Variants in MAP4K3 observed in about 807,000 individuals in gnomAD.
MAP4K3 encodes mitogen-activated protein kinase kinase kinase kinase 3.
MAP4K3 carries 94 observed loss-of-function variants against 143.5 expected under a neutral mutation model. That is an observed-to-expected ratio of 0.65 (90% CI 0.55 to 0.78). MAP4K3 has a LOEUF of 0.78. MAP4K3 is among the 30% of genes least tolerant of loss of function. MAP4K3 has a pLI of 0.00. For missense variants in MAP4K3, 1,077 were observed against 1,068.1 expected, an observed-to-expected ratio of 1.01 and a Z score of -0.12; for synonymous variants, 416 against 347.2, an observed-to-expected ratio of 1.20 and a Z score of -2.20.
chr2:39,317,625 T>A (rs1399353549), intron 12 of MAP4K3, among the ~76,000 whole-genome samples: 5 of 151,952 alleles, frequency 3.3e-5, no homozygotes, highest in Non-Finnish European at 4.4e-5. Context: ...AAAGAAGACA[T>A]ATACACAGCC....
chr2:39,283,424 T>C (rs1042307957), intron 21 of MAP4K3, among the ~76,000 whole-genome samples: 1 of 152,226 alleles, frequency 6.6e-6, no homozygotes, highest in Non-Finnish European at 1.5e-5. Context: ...ATTTGCTATC[T>C]GTATTTCCTC....
chr2:39,337,222 CAG>C (rs756136232), intron 5 of MAP4K3, among the ~76,000 whole-genome samples: 5 of 151,970 alleles, frequency 3.3e-5, no homozygotes, highest in Non-Finnish European at 5.9e-5. Context: ...TAATTAGTAT[CAG>C]AGTGTTTGAA....
intron 3 of MAP4K3, among the ~76,000 whole-genome samples, chr2:39,355,165 C>A (rs1391211718): frequency 6.6e-6 from 1 of 151,962 alleles, no homozygotes; most frequent in African/African-American, 2.4e-5. Flanking sequence ...GAGATCAAGA[C>A]CATCGTGGCC....
intron 1 of MAP4K3, among the ~76,000 whole-genome samples, chr2:39,401,550 A>G (rs1361527820): frequency 6.6e-6 from 1 of 152,126 alleles, no homozygotes; most frequent in Non-Finnish European, 1.5e-5. Context: ...CTGTAATCCT[A>G]GCACTTTGGG....
intron 13 of MAP4K3, among the ~76,000 whole-genome samples, chr2:39,311,852 T>C (rs1682947908): frequency 2.0e-5 from 3 of 152,222 alleles, no homozygotes; most frequent in Admixed American, 6.5e-5. Context: ...TAAATGTTTA[T>C]TGTTTAATAT....
Position 39,265,236 on chromosome 2 carries a change from C to G in MAP4K3, c.2103G>C (p.Trp701Cys), listed in dbSNP as rs1316112430. The G allele has an allele frequency of 6.2e-7, 1 of 1,612,652 alleles. No individual in the cohort carries two copies. The highest frequency in any genetic ancestry group is 2.2e-5 in the East Asian group (1 of 44,808). Residue 701 changes from tryptophan to cysteine, a missense_variant, in exon 28 of 34, where the codon TGG becomes TGC. Trp to Cys is a radical substitution (Grantham distance 215, BLOSUM62 -2). Transcript: ENST00000263881. ...ACATAAATTTCTGCATTGGTTCAAC[C>G]CATTCTAATAGAACAATGCTAGTCT... is the stretch of plus-strand genomic sequence containing the variant. ...ALQTSIVLLE[W>C]VEPMQKFMLI...
intron 24 of MAP4K3, among the ~76,000 whole-genome samples, chr2:39,277,193 T>C (rs1036395148): frequency 6.6e-6 from 1 of 152,240 alleles, no homozygotes; most frequent in Non-Finnish European, 1.5e-5. Flanking sequence ...GGTGTTTGGC[T>C]TCTGCCTGCC....
At chr2:39,397,912 G>A (rs1220596314) in intron 1 of MAP4K3, among the ~76,000 whole-genome samples, 1 of 152,096 alleles carries the variant, frequency 6.6e-6, no homozygotes, top group East Asian at 1.9e-4. Flanking sequence ...AAACAGAAAT[G>A]CAAACAAAAA....
At chr2:39,424,528 GT>G (rs1384285798) in intron 1 of MAP4K3, among the ~76,000 whole-genome samples, 2 of 151,696 alleles carry the variant, frequency 1.3e-5, no homozygotes, top group African/African-American at 2.4e-5. Context: ...AGCAAAAACA[GT>G]TTTTTTAAAA....
At chr2:39,395,108 G>C (rs1028750494) in intron 1 of MAP4K3, among the ~76,000 whole-genome samples, 5 of 151,926 alleles carry the variant, frequency 3.3e-5, no homozygotes, top group African/African-American at 1.2e-4. Flanking sequence ...CTAATATCCA[G>C]TTTAATTAAA....
chr2:39,266,024 AGAG>A (rs1489433607), intron 27 of MAP4K3, among the ~76,000 whole-genome samples: 3 of 152,234 alleles, frequency 2.0e-5, no homozygotes, highest in Non-Finnish European at 2.9e-5. Context: ...TTTAAATGGC[AGAG>A]GAGGAGAACA....
At chr2:39,319,895 A>G (rs1039200018) in intron 12 of MAP4K3, among the ~76,000 whole-genome samples, 3 of 152,230 alleles carry the variant, frequency 2.0e-5, no homozygotes, top group African/African-American at 7.2e-5. Context: ...GTATTCAAAC[A>G]TTTAGATATG....
intron 1 of MAP4K3, among the ~76,000 whole-genome samples, chr2:39,411,258 A>G (rs1437689394): frequency 2.6e-5 from 4 of 152,240 alleles, no homozygotes; most frequent in African/African-American, 9.6e-5. Context: ...AAAGCCAGTA[A>G]GTTTGACTCC....
intron 24 of MAP4K3, among the ~76,000 whole-genome samples, chr2:39,277,293 T>C (rs1681303127): frequency 6.6e-6 from 1 of 152,236 alleles, no homozygotes; most frequent in Non-Finnish European, 1.5e-5. Context: ...CACATCTCTA[T>C]GCCATCATGC....
chr2:39,278,294 CAAAA>C, intron 24 of MAP4K3, 109 bp downstream of exon 24: 1 of 605,734 alleles, frequency 1.7e-6, no homozygotes, highest in Non-Finnish European at 2.8e-6. Flanking sequence ...CAAAACAAAA[CAAAA>C]AAGAATAAAA....
At chr2:39,333,697 T>C in intron 6 of MAP4K3, 123 bp from the exon 7 acceptor site, 1 of 514,214 alleles carries the variant, frequency 1.9e-6, no homozygotes, top group South Asian at 4.4e-5. Flanking sequence ...TAAAGTGTGC[T>C]TAATTAAAAT....
At chr2:39,319,626 A>T (rs2148509406) in intron 12 of MAP4K3, among the ~76,000 whole-genome samples, 1 of 152,332 alleles carries the variant, frequency 6.6e-6, no homozygotes, top group Middle Eastern at 3.4e-3. Context: ...ATTTTGTCAA[A>T]CATCTCTTAA....
intron 1 of MAP4K3, among the ~76,000 whole-genome samples, chr2:39,380,399 G>T (rs377063538): frequency 5.4e-4 from 82 of 152,096 alleles, no homozygotes; most frequent in African/African-American, 1.8e-3. Flanking sequence ...TGTAGTCAAG[G>T]TTACACACAA....
Position 39,314,080 on chromosome 2 carries a change from A to C in MAP4K3, c.997+1230T>G, listed in dbSNP as rs181006210. 2.3e-3 allele frequency among the ~76,000 whole-genome samples: 357 copies of C among 152,038 alleles called. 1 individual carries two copies. The highest frequency in any genetic ancestry group is 8.3e-3 in the African/African-American group (346 of 41,470). ...GAATCTTGTTCTTTGCCCAGGCTGG[A>C]GTGCAGTGGCAGGATTTCAACTCAC... On this transcript the variant is annotated intron_variant, in intron 13 of 33. Coordinates refer to ENST00000263881, the MANE Select transcript of MAP4K3 (RefSeq NM_003618.4).
Sources: gnomAD v4.1 joint callset for allele counts (sites outside exome capture counted in the v4.1 genomes callset) on GRCh38, gnomAD v4.1.1 for gene constraint, MANE v1.5 for transcripts, NCBI Gene and HGNC (gene_info 2026-07-23, HGNC 2026-07-21) for gene names.